PCID2: variants seen among roughly 807,000 people sequenced by gnomAD.
PCID2 encodes PCI domain containing 2, also known as PCI domain-containing protein 2.
PCID2 carries 41 observed loss-of-function variants against 61.3 expected under a neutral mutation model. The ratio of observed to expected loss-of-function variants is 0.67; its 90% CI spans 0.52 to 0.87. The LOEUF is 0.87. PCID2 is among the 40% of genes least tolerant of loss of function. PCID2 has a pLI of 0.00. For synonymous variants in PCID2, 187 were observed against 177.8 expected (o/e 1.05, Z -0.41); for missense variants, 392 against 493.4 (o/e 0.79, Z 1.95).
chr13:113,175,801 T>C (rs1416333563), downstream of PCID2, among the ~76,000 whole-genome samples: 2 of 152,212 alleles, frequency 1.3e-5, no homozygotes, highest in East Asian at 3.9e-4. Context: ...ACGGCTGGAA[T>C]CCGGGTGTGA....
At position 113,196,316 on chromosome 13, in the gene PCID2, A is replaced by C. The variant is rs77775111; in HGVS notation, c.267-94T>G. On this transcript the variant is annotated intron_variant, in intron 4 of 13. Transcript: ENST00000337344. ...AGAATCTAAATTTTAAGGAATGTAG[A>C]TCACCCTTGAGCAGATTTATGTTGC... 4.7e-3 allele frequency: 4,627 copies of C among 991,112 alleles called. 115 individuals carry two copies. In the African/African-American group the frequency reaches 0.059, roughly 13 times the overall value. The allele number at this position is 991,112 out of a possible 1,614,324, so 61.4% of individuals were successfully genotyped here.
chr13:113,176,781 T>G (rs1298877614), downstream of PCID2, among the ~76,000 whole-genome samples: 2 of 151,148 alleles, frequency 1.3e-5, no homozygotes, highest in African/African-American at 4.9e-5. Flanking sequence ...AGGGAGAGAG[T>G]CATCTCTATC....
At chr13:113,172,500 T>C in the PCID2 span, 1 of 302,070 alleles carries the variant, frequency 3.3e-6, no homozygotes, top group Non-Finnish European at 6.4e-6. Context: ...GCGACAACAA[T>C]CTCCGGTTAC....
At chr13:113,200,706 T>C (rs1016773263) in intron 1 of PCID2, 190 bp from the exon 2 acceptor site, 1 of 441,926 alleles carries the variant, frequency 2.3e-6, no homozygotes, top group Non-Finnish European at 4.0e-6. Context: ...CTTTTTTTTT[T>C]TTTTTTTTTT....
At position 113,179,141 on chromosome 13, in the gene PCID2, C is replaced by G. The variant is rs1319452497; in HGVS notation, c.987-52G>C. 2 of 1,553,810 alleles carry G rather than the reference C, an allele frequency of 1.3e-6. No homozygotes were observed. Among genetic ancestry groups the G allele is most frequent in the East Asian group, 2.3e-5 (1 of 44,194 alleles). Reference sequence around the variant, plus strand: ...GTGGTTACCGACAGGATGCAATACTCCACAGCCAAGAAAAGGCACCTCTTA... The same window carrying G: ...GTGGTTACCGACAGGATGCAATACTGCACAGCCAAGAAAAGGCACCTCTTA... On this transcript the variant is annotated intron_variant, in intron 12 of 13. Coordinates refer to ENST00000337344, the MANE Select transcript of PCID2 (RefSeq NM_001127202.4). The surrounding 1 kb of genome is among the most constrained non-coding windows in gnomAD (Gnocchi z 4.3).
intron 7 of PCID2, chr13:113,188,567 A>C (rs1435075658): frequency 6.6e-6 from 1 of 152,324 alleles, no homozygotes; most frequent in Middle Eastern, 3.4e-3. Context: ...GCGGCTGACA[A>C]TCACCATGAC....
Position 113,185,374 on chromosome 13 carries a change from T to C in PCID2, c.543+111A>G, listed in dbSNP as rs2038016942. On this transcript the variant is annotated intron_variant, in intron 8 of 13. Coordinates refer to ENST00000337344, the MANE Select transcript of PCID2 (RefSeq NM_001127202.4). ...GCTATTAGGACTAGGAATACGGTTA[T>C]GATCATTTCACAAGCAACGCCAGGG... The C allele has an allele frequency of 3.5e-5, 27 of 778,486 alleles. No individual in the cohort carries two copies. In the South Asian group the frequency reaches 3.8e-4, roughly 11 times the overall value. 48.2% of individuals were successfully genotyped at this position (778,486 alleles called of 1,614,324 possible). A position where few individuals can be genotyped will look rare whatever the true frequency, so the allele number is the denominator to read the frequency against.
At chr13:113,175,043 C>T (rs61523308), downstream of PCID2, among the ~76,000 whole-genome samples, 2,408 of 152,262 alleles carry the variant, frequency 0.016, 166 homozygotes, top group East Asian at 0.21. Context: ...GGGCGTCTAA[C>T]GAGAGCTGAT....
At position 113,204,358 on chromosome 13, in the gene PCID2, G is replaced by A. The variant is rs1027812113; in HGVS notation, c.37-3842C>T. On this transcript the variant is annotated intron_variant, in intron 1 of 13. Transcript: ENST00000337344. ...GACTTGGAGCAAGCACTGTGGAATGGAAGCATACTTCAATGACTAAACACA... is the reference window on the plus strand; with the variant it reads ...GACTTGGAGCAAGCACTGTGGAATGAAAGCATACTTCAATGACTAAACACA... Among the ~76,000 whole-genome samples, 20 of 152,224 alleles carry A rather than the reference G, an allele frequency of 1.3e-4. 1 individual carries two copies. Among genetic ancestry groups the A allele is most frequent in the Admixed American group, 1.3e-3 (20 of 15,284 alleles).
downstream of PCID2, among the ~76,000 whole-genome samples, chr13:113,173,397 A>G (rs1454901513): frequency 6.8e-6 from 1 of 146,442 alleles, no homozygotes; most frequent in African/African-American, 2.5e-5. Flanking sequence ...CTCTTAGTTA[A>G]GGAAGGGGCA....
intron 1 of PCID2, among the ~76,000 whole-genome samples, chr13:113,202,461 A>G (rs2039501130): frequency 1.3e-5 from 2 of 152,264 alleles, no homozygotes; most frequent in African/African-American, 4.8e-5. Flanking sequence ...AAAATATTGG[A>G]CACAAACTAA....
intron 5 of PCID2, among the ~76,000 whole-genome samples, chr13:113,195,369 C>A (rs2038936940): frequency 1.3e-5 from 2 of 152,242 alleles, no homozygotes; most frequent in African/African-American, 2.4e-5. Flanking sequence ...CTGTCAGAGA[C>A]CTCAGCCCTG....
intron 1 of PCID2, 69 bp from the exon 2 acceptor site, chr13:113,200,585 AC>A (rs2039346197): frequency 1.0e-6 from 1 of 989,452 alleles, no homozygotes; most frequent in South Asian, 1.3e-5. Context: ...CTACAACAAT[AC>A]ACTGAATGCC....
At chr13:113,169,281 G>C in the PCID2 span, among the ~76,000 whole-genome samples, 1 of 152,130 alleles carries the variant, frequency 6.6e-6, no homozygotes, top group Non-Finnish European at 1.5e-5. Context: ...ATATATTGTA[G>C]CTGTCATCCA....
At chr13:113,185,653 AG>A (rs1401618704) in intron 7 of PCID2, 93 bp from the exon 8 acceptor site, 1 of 773,174 alleles carries the variant, frequency 1.3e-6, no homozygotes, top group African/African-American at 1.8e-5. Flanking sequence ...TAATATCTTG[AG>A]GTAAGTCCCA....
At chr13:113,171,937 C>A in the PCID2 span, 2 of 1,613,688 alleles carry the variant, frequency 1.2e-6, no homozygotes, top group East Asian at 4.5e-5. This position sits in a 1 kb window ranked among gnomAD's most constrained non-coding sequence, Gnocchi z 5.1. Flanking sequence ...AGAGAAGCAG[C>A]GTGGCGGCCA....
chr13:113,185,270 G>A (rs1166719067), intron 8 of PCID2, among the ~76,000 whole-genome samples: 1 of 152,222 alleles, frequency 6.6e-6, no homozygotes, highest in Non-Finnish European at 1.5e-5. Flanking sequence ...TAACCTCAGA[G>A]GGCTGATTGT....
chr13:113,187,355 G>C (rs1241852266), intron 7 of PCID2: 1 of 152,144 alleles, frequency 6.6e-6, no homozygotes, highest in East Asian at 1.9e-4. Flanking sequence ...GGAAATGCTG[G>C]GTCACATGGT....
At chr13:113,165,096 G>C in the PCID2 span, 19 of 1,612,192 alleles carry the variant, frequency 1.2e-5, 1 homozygote, top group South Asian at 1.8e-4. Flanking sequence ...AGCGTGCACC[G>C]GATCTACAGG....
Sources: allele counts gnomAD v4.1 joint callset (sites outside exome capture counted in the v4.1 genomes callset), GRCh38; gene constraint gnomAD v4.1.1; non-coding constraint Gnocchi (gnomAD v3.1); transcripts MANE v1.5; gene names NCBI Gene and HGNC (gene_info 2026-07-23, HGNC 2026-07-21).